The following RIT2 variants were observed in gnomAD, a reference collection of about 807,000 sequenced individuals.
The protein encoded by RIT2 is Ras like without CAAX 2.
RIT2 carries 24 observed loss-of-function variants against 23.7 expected under a neutral mutation model. That is an observed-to-expected ratio of 1.01 (90% CI 0.73 to 1.43). RIT2 has a LOEUF of 1.43. Among genes scored for constraint, RIT2 ranks in the 40% most tolerant of loss-of-function variants. The pLI, the probability that RIT2 is intolerant of heterozygous loss-of-function variation, is 0.00. For missense variants in RIT2, 236 were observed against 266.9 expected (o/e 0.88, Z 0.81); for synonymous variants, 107 against 91.1 (o/e 1.17, Z -0.99).
chr18:42,847,060 C>T (rs76624894), intron 4 of RIT2, among the ~76,000 whole-genome samples: 3,727 of 152,156 alleles, frequency 0.024, 61 homozygotes, highest in Middle Eastern at 0.041. Context: ...GTGTTGACAA[C>T]AAATTACTAT....
At chr18:42,827,146 C>G (rs892756603) in intron 4 of RIT2, among the ~76,000 whole-genome samples, 1 of 152,112 alleles carries the variant, frequency 6.6e-6, no homozygotes, top group African/African-American at 2.4e-5. Context: ...GAGAACCATA[C>G]AGTATTTGTG....
chr18:42,863,488 TCCCACTACA>T (rs1907385050), intron 4 of RIT2, among the ~76,000 whole-genome samples: 1 of 152,192 alleles, frequency 6.6e-6, no homozygotes, highest in Admixed American at 6.5e-5. Flanking sequence ...AAGAAAATTC[TCCCACTACA>T]CCTTTCCTGG....
intron 4 of RIT2, among the ~76,000 whole-genome samples, chr18:42,916,395 G>T (rs1908911116): frequency 6.6e-6 from 1 of 151,994 alleles, no homozygotes; most frequent in South Asian, 2.1e-4. Context: ...GTGCAAAAAG[G>T]CAGGAATTTC....
intron 4 of RIT2, among the ~76,000 whole-genome samples, chr18:42,787,105 A>G (rs1026790285): frequency 6.8e-6 from 1 of 147,710 alleles, no homozygotes; most frequent in African/African-American, 2.5e-5. Context: ...TAATAGGTAT[A>G]TCTCCTAATG....
chr18:43,027,298 T>C (rs1185747046), intron 2 of RIT2, among the ~76,000 whole-genome samples: 2 of 152,096 alleles, frequency 1.3e-5, no homozygotes, highest in African/African-American at 2.4e-5. Context: ...AAGGCACTAG[T>C]AGAAGAAGTG....
chr18:43,102,740 G>T lies in RIT2; in HGVS notation c.103+12677C>A, dbSNP rs532569178. Among the ~76,000 whole-genome samples, 8 of 151,812 alleles carry T rather than the reference G, an allele frequency of 5.3e-5. No individual in the cohort carries two copies. The South Asian group carries it at 1.2e-3, about 24-fold the overall frequency. The stretch of plus-strand genomic sequence containing the variant: ...ATGATCTCGGCTCACTGCAACCTTC[G>T]CCTCCCGGGTTCAAGCGATTCTCAT... On this transcript the variant is annotated intron_variant, in intron 1 of 4. Transcript: ENST00000326695.
intron 1 of RIT2, among the ~76,000 whole-genome samples, chr18:43,058,919 TACATTGA>T (rs1912573980): frequency 6.6e-6 from 1 of 151,974 alleles, no homozygotes; most frequent in African/African-American, 2.4e-5. Context: ...TATTTTTCAA[TACATTGA>T]ACCCTTGAGC....
intron 4 of RIT2, among the ~76,000 whole-genome samples, chr18:42,794,012 T>C (rs951605413): frequency 7.9e-5 from 12 of 152,120 alleles, no homozygotes; most frequent in Admixed American, 7.9e-4. Context: ...TTTTTTTTCC[T>C]GAGACTGTCG....
chr18:42,956,335 C>T (rs1473423706), intron 3 of RIT2, among the ~76,000 whole-genome samples: 1 of 152,138 alleles, frequency 6.6e-6, no homozygotes, highest in African/African-American at 2.4e-5. Flanking sequence ...GTGCTGATTG[C>T]TAAATAAGTC....
chr18:43,103,038 T>C (rs772265016), intron 1 of RIT2, among the ~76,000 whole-genome samples: 45 of 152,326 alleles, frequency 3.0e-4, no homozygotes, highest in Non-Finnish European at 5.1e-4. Flanking sequence ...TTTGTGTTTC[T>C]GAACATCCTA....
intron 1 of RIT2, among the ~76,000 whole-genome samples, chr18:43,083,588 C>T (rs1367283985): frequency 6.6e-6 from 1 of 152,082 alleles, no homozygotes; most frequent in African/African-American, 2.4e-5. Context: ...CATCTACAAC[C>T]ATCTGATCTT....
At chr18:42,749,563 C>T (rs551771072) in intron 4 of RIT2, among the ~76,000 whole-genome samples, 2 of 151,476 alleles carry the variant, frequency 1.3e-5, no homozygotes, top group East Asian at 3.9e-4. Context: ...TTATAAAGCC[C>T]AGGAAAGACA....
chr18:42,828,690 TG>T (rs1472962334), intron 4 of RIT2, among the ~76,000 whole-genome samples: 11 of 152,118 alleles, frequency 7.2e-5, no homozygotes. Flanking sequence ...GAAAGAAATA[TG>T]GAAAGTCAAG....
At chr18:42,752,939 A>C (rs190106504) in intron 4 of RIT2, among the ~76,000 whole-genome samples, 8 of 152,328 alleles carry the variant, frequency 5.3e-5, no homozygotes, top group Non-Finnish European at 1.2e-4. Context: ...GTTTCATACA[A>C]GTAATAGAAA....
chr18:42,847,047 C>A (rs116011204), intron 4 of RIT2, among the ~76,000 whole-genome samples: 1 of 151,992 alleles, frequency 6.6e-6, no homozygotes, highest in African/African-American at 2.4e-5. Flanking sequence ...CCTCCAAATT[C>A]GAGTGTTGAC....
At chr18:42,762,036 C>A (rs952276801) in intron 4 of RIT2, among the ~76,000 whole-genome samples, 1 of 152,112 alleles carries the variant, frequency 6.6e-6, no homozygotes, top group Non-Finnish European at 1.5e-5. Flanking sequence ...AGAGATACTG[C>A]CAGAAATAAG....
At chr18:42,786,057 T>C (rs975513674) in intron 4 of RIT2, among the ~76,000 whole-genome samples, 1 of 152,002 alleles carries the variant, frequency 6.6e-6, no homozygotes, top group Non-Finnish European at 1.5e-5. Flanking sequence ...TCACAGCAGA[T>C]GAAAAGGGTG....
chr18:43,032,741 A>T (rs1911886347), intron 2 of RIT2, among the ~76,000 whole-genome samples: 1 of 152,152 alleles, frequency 6.6e-6, no homozygotes, highest in South Asian at 2.1e-4. Context: ...AGGTGGTCTT[A>T]ATAAATAATC....
chr18:42,844,293 C>T (rs563570364), intron 4 of RIT2, among the ~76,000 whole-genome samples: 106 of 152,310 alleles, frequency 7.0e-4, no homozygotes, highest in Admixed American at 1.1e-3. Flanking sequence ...TCACATGGGG[C>T]AGCTGCCCTC....
Sources: allele counts gnomAD v4.1 joint callset (sites outside exome capture counted in the v4.1 genomes callset), GRCh38; gene constraint gnomAD v4.1.1; transcripts MANE v1.5; gene names NCBI Gene and HGNC (gene_info 2026-07-23, HGNC 2026-07-21).